The following TSPAN18 variants were observed in gnomAD, a reference collection of about 807,000 sequenced individuals.
The protein encoded by TSPAN18 is tetraspanin-18.
In TSPAN18, 14 loss-of-function variants were observed where a neutral mutation model predicts 27.3. The ratio of observed to expected loss-of-function variants is 0.51; its 90% CI spans 0.34 to 0.80. The LOEUF (loss-of-function observed/expected upper bound fraction) is 0.80. TSPAN18 is among the 30% of genes least tolerant of loss of function. The probability of loss-of-function intolerance (pLI) is 0.01; values close to 1 mark genes in which losing one functional copy is unlikely to be tolerated. For missense variants in TSPAN18, 268 were observed against 323.9 expected, an observed-to-expected ratio of 0.83 and a Z score of 1.32; for synonymous variants, 143 against 136.5, an observed-to-expected ratio of 1.05 and a Z score of -0.33.
chr11:44,798,584 A>T (rs1027528859), intron 2 of TSPAN18, among the ~76,000 whole-genome samples: 5 of 152,118 alleles, frequency 3.3e-5, no homozygotes, highest in Non-Finnish European at 2.9e-5. Flanking sequence ...TGGTGTTTGC[A>T]TTGCTAGCTT....
intron 2 of TSPAN18, among the ~76,000 whole-genome samples, chr11:44,820,478 G>A (rs1856904518): frequency 6.6e-6 from 1 of 152,238 alleles, no homozygotes; most frequent in Non-Finnish European, 1.5e-5. Flanking sequence ...AGATGAGACT[G>A]TGGGAGGTGC....
chr11:44,846,606 T>TGTGTGTGTGTGTGTGTGTGTGTG (rs576341145), intron 2 of TSPAN18, among the ~76,000 whole-genome samples: 8 of 151,228 alleles, frequency 5.3e-5, no homozygotes, highest in South Asian at 4.2e-4. Context: ...GTGTGTGTGT[T>TGTGTGTGTGTGTGTGTGTGTGTG]TGTGTGTGTG....
Position 44,930,995 on chromosome 11 carries a change from G to A in TSPAN18, c.*1817G>A, listed in dbSNP as rs1565031812. 6.4e-6 allele frequency: 3 copies of A among 470,650 alleles called. No individual in the cohort carries two copies. The highest frequency in any genetic ancestry group is 8.7e-6 in the Non-Finnish European group (2 of 229,332). The allele number at this position is 470,650 out of a possible 1,614,324, so 29.2% of individuals were successfully genotyped here. On this transcript the variant is annotated 3_prime_UTR_variant, in exon 10 of 10. Transcript: ENST00000520358. The stretch of plus-strand genomic sequence containing the variant: ...CCCGTGTTCCCTGGCCTGTGCGTCT[G>A]CCCCCTTCTGAGATGCAGCCAGAAG...
chr11:44,898,801 C>T lies in TSPAN18; in HGVS notation c.-10-7606C>T, dbSNP rs78147342. 4.2e-3 allele frequency among the ~76,000 whole-genome samples: 641 copies of T among 152,310 alleles called. 5 individuals carry two copies. The highest frequency in any genetic ancestry group is 0.013 in the African/African-American group (559 of 41,564). On this transcript the variant is annotated intron_variant, in intron 3 of 9. Coordinates refer to ENST00000520358, the MANE Select transcript of TSPAN18 (RefSeq NM_130783.5). ...TCATGAGGGCAGAACCCTTGAGATC[C>T]GATCACCTCTTAAAGGCCCCACCTC... is the stretch of plus-strand genomic sequence containing the variant.
intron 3 of TSPAN18, chr11:44,903,666 T>C: frequency 2.2e-6 from 1 of 456,376 alleles, no homozygotes; most frequent in Non-Finnish European, 4.4e-6. Flanking sequence ...ACCCCTGTGA[T>C]AGAGAGGATG....
At chr11:44,875,073 AGAGT>A (rs1858294103) in intron 3 of TSPAN18, among the ~76,000 whole-genome samples, 1 of 152,222 alleles carries the variant, frequency 6.6e-6, no homozygotes, top group Non-Finnish European at 1.5e-5. Flanking sequence ...GCTCCATGCA[AGAGT>A]GAGAGGCCTT....
chr11:44,855,149 G>GT (rs145095333), intron 2 of TSPAN18, among the ~76,000 whole-genome samples: 12,436 of 148,900 alleles, frequency 0.084, 984 homozygotes, highest in African/African-American at 0.21. Context: ...CATCCTGAAG[G>GT]TTTTTTTTTT....
At chr11:44,868,126 G>A (rs1490042424) in intron 3 of TSPAN18, among the ~76,000 whole-genome samples, 1 of 152,098 alleles carries the variant, frequency 6.6e-6, no homozygotes, top group Non-Finnish European at 1.5e-5. Context: ...GTGCAGCGTG[G>A]ATACCCGGGT....
chr11:44,895,206 G>A (rs768416738), intron 3 of TSPAN18, among the ~76,000 whole-genome samples: 2 of 152,138 alleles, frequency 1.3e-5, no homozygotes, highest in Admixed American at 6.5e-5. Flanking sequence ...TTGTATCCAC[G>A]CTACCCAAGC....
chr11:44,822,999 G>A (rs1282138135), intron 2 of TSPAN18, among the ~76,000 whole-genome samples: 2 of 152,190 alleles, frequency 1.3e-5, no homozygotes, highest in Non-Finnish European at 2.9e-5. Context: ...CTTGCAATGA[G>A]GATCAGCAAG....
chr11:44,880,611 TGA>T (rs1858464338), intron 3 of TSPAN18, among the ~76,000 whole-genome samples: 1 of 152,216 alleles, frequency 6.6e-6, no homozygotes, highest in African/African-American at 2.4e-5. Flanking sequence ...AGTAGGCCAC[TGA>T]GAGATGAATC....
chr11:44,765,298 G>C (rs1855542418), intron 2 of TSPAN18, among the ~76,000 whole-genome samples: 1 of 152,202 alleles, frequency 6.6e-6, no homozygotes, highest in Middle Eastern at 3.2e-3. Flanking sequence ...AGAAGTGACA[G>C]GTCAGGGGTT....
intron 2 of TSPAN18, among the ~76,000 whole-genome samples, chr11:44,815,065 G>C (rs1008128468): frequency 1.3e-5 from 2 of 152,126 alleles, no homozygotes; most frequent in Admixed American, 6.5e-5. Flanking sequence ...TGGGAGCATG[G>C]CAGTGGGAAG....
chr11:44,917,785 TGTTGACTCCAA>T, intron 5 of TSPAN18, 176 bp from the exon 6 acceptor site: 1 of 603,150 alleles, frequency 1.7e-6, no homozygotes, highest in Admixed American at 2.9e-5. Flanking sequence ...ATCTCAATCC[TGTTGACTCCAA>T]GGAGGAATCA....
chr11:44,763,618 G>C (rs543488673), intron 1 of TSPAN18, among the ~76,000 whole-genome samples: 1 of 152,308 alleles, frequency 6.6e-6, no homozygotes, highest in Non-Finnish European at 1.5e-5. Flanking sequence ...GACTCAGAAA[G>C]CCTTTTTTTC....
intron 2 of TSPAN18, among the ~76,000 whole-genome samples, chr11:44,811,175 C>CA (rs1554986590): frequency 6.7e-6 from 1 of 149,426 alleles, no homozygotes; most frequent in Non-Finnish European, 1.5e-5. Flanking sequence ...CACACACACA[C>CA]CCCTGCCTGT....
chr11:44,811,175 C>CACACACAG (rs1554986590), intron 2 of TSPAN18, among the ~76,000 whole-genome samples: 6 of 149,426 alleles, frequency 4.0e-5, no homozygotes, highest in African/African-American at 1.5e-4. Flanking sequence ...CACACACACA[C>CACACACAG]CCCTGCCTGT....
intron 8 of TSPAN18, 115 bp downstream of exon 8, chr11:44,920,114 G>A: frequency 1.8e-6 from 2 of 1,105,974 alleles, no homozygotes; most frequent in South Asian, 3.3e-5. Context: ...GAATCCCAGG[G>A]AAGTGTTGGC....
intron 1 of TSPAN18, among the ~76,000 whole-genome samples, chr11:44,740,972 G>GT (rs1238159691): frequency 1.3e-5 from 2 of 152,276 alleles, no homozygotes; most frequent in Non-Finnish European, 2.9e-5. Flanking sequence ...TAGAGACGAG[G>GT]TTTTGCCATC....
Sources: allele counts gnomAD v4.1 joint callset (sites outside exome capture counted in the v4.1 genomes callset), GRCh38; gene constraint gnomAD v4.1.1; transcripts MANE v1.5; gene names NCBI Gene and HGNC (gene_info 2026-07-23, HGNC 2026-07-21).